Variants in GLMN observed in about 807,000 individuals in gnomAD.
The protein encoded by GLMN is glomulin, FKBP associated protein.
Under a neutral mutation model 87.8 loss-of-function variants are expected in GLMN, and 75 were observed. The ratio of observed to expected loss-of-function variants is 0.85; its 90% CI spans 0.71 to 1.04. GLMN has a LOEUF of 1.04. GLMN is among the 50% of genes least tolerant of loss of function. The probability of loss-of-function intolerance (pLI) is 0.00; values close to 1 mark genes in which losing one functional copy is unlikely to be tolerated. For missense variants in GLMN, 588 were observed against 658.8 expected (o/e 0.89, Z 1.18); for synonymous variants, 206 against 221.6 (o/e 0.93, Z 0.63).
At chr1:92,256,166 T>C (rs1331224138) in intron 16 of GLMN, among the ~76,000 whole-genome samples, 2 of 151,996 alleles carry the variant, frequency 1.3e-5, no homozygotes, top group East Asian at 3.9e-4. Context: ...AATGGATAAA[T>C]TCCTGGACAT....
chr1:92,305,281 A>C, the GLMN span, among the ~76,000 whole-genome samples: 1 of 151,400 alleles, frequency 6.6e-6, no homozygotes, highest in Admixed American at 6.6e-5. Flanking sequence ...AAATACAAAA[A>C]AATTAGCCAA....
chr1:92,339,472 A>G, the GLMN span, among the ~76,000 whole-genome samples: 1 of 152,116 alleles, frequency 6.6e-6, no homozygotes, highest in South Asian at 2.1e-4. Context: ...GCAAAAAATA[A>G]TAATAATAAT....
intron 7 of GLMN, among the ~76,000 whole-genome samples, chr1:92,280,796 A>G (rs892044354): frequency 9.8e-5 from 15 of 152,346 alleles, no homozygotes; most frequent in African/African-American, 3.6e-4. Flanking sequence ...GCTGAAAACC[A>G]TGGCACGAGA....
the GLMN span, among the ~76,000 whole-genome samples, chr1:92,319,571 C>G: frequency 4.3e-4 from 66 of 152,200 alleles, no homozygotes; most frequent in Admixed American, 4.3e-3. Context: ...TGTTACTACT[C>G]CAATGTAACT....
At chr1:92,254,329 A>C (rs946994926) in intron 16 of GLMN, among the ~76,000 whole-genome samples, 1 of 152,254 alleles carries the variant, frequency 6.6e-6, no homozygotes, top group Non-Finnish European at 1.5e-5. Flanking sequence ...AATGGAACCA[A>C]GGTGGAAAAC....
the GLMN span, among the ~76,000 whole-genome samples, chr1:92,342,214 A>C: frequency 6.6e-6 from 1 of 152,254 alleles, no homozygotes; most frequent in African/African-American, 2.4e-5. Context: ...TTCATTGAGA[A>C]GACACTGTTT....
At chr1:92,274,260 C>T (rs943621694) in intron 7 of GLMN, among the ~76,000 whole-genome samples, 4 of 152,192 alleles carry the variant, frequency 2.6e-5, no homozygotes, top group African/African-American at 4.8e-5. Context: ...ACTGCTTTAA[C>T]TAAACCTGTC....
At chr1:92,332,735 T>C in the GLMN span, among the ~76,000 whole-genome samples, 1 of 152,118 alleles carries the variant, frequency 6.6e-6, no homozygotes, top group African/African-American at 2.4e-5. Context: ...TTGGGGAAGG[T>C]TGCCCATACC....
chr1:92,325,578 T>A, the GLMN span, among the ~76,000 whole-genome samples: 9 of 152,160 alleles, frequency 5.9e-5, no homozygotes, highest in Non-Finnish European at 1.0e-4. Context: ...CCAAAAATGT[T>A]ACATAACATG....
the GLMN span, among the ~76,000 whole-genome samples, chr1:92,339,905 A>G: frequency 0.048 from 7,354 of 152,210 alleles, 612 homozygotes; most frequent in African/African-American, 0.17. Flanking sequence ...ATTATATGAC[A>G]TCTGAGATTT....
chr1:92,357,094 TACACAC>T, the GLMN span, among the ~76,000 whole-genome samples: 3 of 144,756 alleles, frequency 2.1e-5, no homozygotes, highest in Non-Finnish European at 3.0e-5. Flanking sequence ...AAGGATTACA[TACACAC>T]ACACACACAC....
intron 8 of GLMN, 44 bp from the exon 9 acceptor site, chr1:92,269,820 A>G: frequency 8.3e-7 from 1 of 1,200,022 alleles, no homozygotes; most frequent in South Asian, 1.2e-5. Context: ...ACACACACAC[A>G]GAGATATGTA....
the GLMN span, among the ~76,000 whole-genome samples, chr1:92,325,969 A>G: frequency 5.9e-3 from 903 of 152,184 alleles, 7 homozygotes; most frequent in African/African-American, 0.019. Context: ...ATTTGGGGCT[A>G]TTATGAACAA....
chr1:92,308,108 T>C, the GLMN span, among the ~76,000 whole-genome samples: 1,348 of 152,200 alleles, frequency 8.9e-3, 10 homozygotes, highest in Non-Finnish European at 0.016. Flanking sequence ...TGAAGTCTTT[T>C]CTGATGCGTA....
intron 16 of GLMN, among the ~76,000 whole-genome samples, chr1:92,250,586 G>A (rs1653337680): frequency 6.6e-6 from 1 of 152,116 alleles, no homozygotes. Context: ...GTAAAAACTA[G>A]GTTTTACATC....
chr1:92,365,435 G>A, the GLMN span, among the ~76,000 whole-genome samples: 5 of 152,122 alleles, frequency 3.3e-5, no homozygotes, highest in African/African-American at 1.2e-4. Flanking sequence ...TTGATTCATT[G>A]GTCTTGGGTG....
chr1:92,267,850 C>T, intron 11 of GLMN, 63 bp downstream of exon 11: 1 of 851,882 alleles, frequency 1.2e-6, no homozygotes, highest in Non-Finnish European at 2.1e-6. Flanking sequence ...CAGAAAAGAC[C>T]TTACTTTAAG....
the GLMN span, among the ~76,000 whole-genome samples, chr1:92,338,349 G>C: frequency 2.0e-5 from 3 of 152,218 alleles, no homozygotes; most frequent in African/African-American, 7.2e-5. Flanking sequence ...AAGAGGATTT[G>C]AGCAAAATAA....
At chr1:92,330,252 C>G in the GLMN span, among the ~76,000 whole-genome samples, 1 of 152,130 alleles carries the variant, frequency 6.6e-6, no homozygotes, top group Non-Finnish European at 1.5e-5. Context: ...ATACCTTGCA[C>G]TGCCTATAAT....
Sources: gnomAD v4.1 joint callset for allele counts (sites outside exome capture counted in the v4.1 genomes callset) on GRCh38, gnomAD v4.1.1 for gene constraint, MANE v1.5 for transcripts, NCBI Gene and HGNC (gene_info 2026-07-23, HGNC 2026-07-21) for gene names.